BMPR1B: variants seen among roughly 807,000 people sequenced by gnomAD.
BMPR1B encodes the protein bone morphogenetic protein receptor type 1B.
A neutral mutation model predicts 59.1 loss-of-function variants in BMPR1B; 12 were observed. The ratio of observed to expected loss-of-function variants is 0.20; its 90% CI spans 0.13 to 0.33. BMPR1B has a LOEUF of 0.33. Ranked by LOEUF, BMPR1B falls within the 10% of genes least tolerant of loss-of-function variation. The probability of loss-of-function intolerance (pLI) is 1.00; values close to 1 mark genes in which losing one functional copy is unlikely to be tolerated. For missense variants in BMPR1B, 550 were observed against 610.9 expected (o/e 0.90, Z 1.05); for synonymous variants, 237 against 207.3 (o/e 1.14, Z -1.23).
chr4:94,922,536 C>T (rs1301340784), intron 2 of BMPR1B, among the ~76,000 whole-genome samples: 3 of 152,078 alleles, frequency 2.0e-5, no homozygotes, highest in African/African-American at 4.8e-5. Context: ...TATTTTTGTT[C>T]TTTCTAAGTT....
chr4:94,802,698 G>A (rs1347987263), intron 1 of BMPR1B, among the ~76,000 whole-genome samples: 3 of 152,160 alleles, frequency 2.0e-5, no homozygotes, highest in African/African-American at 7.2e-5. Flanking sequence ...ACAGAGAAAA[G>A]TGTATTATTT....
intron 3 of BMPR1B, among the ~76,000 whole-genome samples, chr4:95,047,268 A>AT (rs1195538272): frequency 6.6e-6 from 1 of 152,066 alleles, no homozygotes; most frequent in East Asian, 1.9e-4. Flanking sequence ...CCATAATGCC[A>AT]TTTTTTTCTG....
intron 2 of BMPR1B, among the ~76,000 whole-genome samples, chr4:94,930,991 CTGGACATCTCTT>C (rs1352982378): frequency 2.6e-5 from 4 of 152,006 alleles, no homozygotes; most frequent in African/African-American, 9.7e-5. Flanking sequence ...TATTAAGTTT[CTGGACATCTCTT>C]TGGCTGGCTA....
Position 95,158,047 on chromosome 4 carries a change from T to G in BMPR1B, c.*3374T>G, listed in dbSNP as rs1174440272. ...TTGTTGGTCTGATCTGATTCTTCTT[T>G]GTTTGTGGGTGGAACGGCACTGAGA... On this transcript the variant is annotated 3_prime_UTR_variant, in exon 13 of 13. Transcript: ENST00000515059. 6.6e-6 allele frequency: 1 copy of G among 152,198 alleles called. No individual in the cohort carries two copies. Among genetic ancestry groups the G allele is most frequent in the African/African-American group, 2.4e-5 (1 of 41,456 alleles). 9.4% of individuals were successfully genotyped at this position (152,198 alleles called of 1,614,324 possible).
chr4:94,992,744 C>T (rs1214167151), intron 2 of BMPR1B, among the ~76,000 whole-genome samples: 2 of 152,198 alleles, frequency 1.3e-5, no homozygotes, highest in Non-Finnish European at 2.9e-5. Context: ...TCTGCAATTA[C>T]AGCATCATAC....
chr4:94,845,338 A>C (rs1302552223), intron 1 of BMPR1B, among the ~76,000 whole-genome samples: 1 of 126,350 alleles, frequency 7.9e-6, no homozygotes, highest in Admixed American at 7.7e-5. Flanking sequence ...ATAACCAAGG[A>C]AATTCTTTTT....
At position 95,154,742 on chromosome 4, in the gene BMPR1B, A is replaced by C; in HGVS notation, c.*69A>C. 1.9e-6 allele frequency: 3 copies of C among 1,593,920 alleles called. No individual in the cohort carries two copies. The highest frequency in any genetic ancestry group is 2.6e-6 in the Non-Finnish European group (3 of 1,163,030). ...CTCTTCTGTTTGTGGGCAGAGCAAA[A>C]GACATCAAATAAGCATCCACAGTAC... On this transcript the variant is annotated 3_prime_UTR_variant, in exon 13 of 13. Transcript: ENST00000515059.
chr4:94,945,284 G>C (rs925344833), intron 2 of BMPR1B, among the ~76,000 whole-genome samples: 1 of 152,104 alleles, frequency 6.6e-6, no homozygotes, highest in African/African-American at 2.4e-5. Flanking sequence ...CATCCTTAAA[G>C]TAGAAAAACA....
chr4:95,125,051 C>T lies in BMPR1B; in HGVS notation c.515C>T (p.Pro172Leu), dbSNP rs1732806604. 6.2e-7 allele frequency: 1 copy of T among 1,613,774 alleles called. No individual in the cohort carries two copies. Among genetic ancestry groups the T allele is most frequent in the Non-Finnish European group, 8.5e-7 (1 of 1,179,750 alleles). ...GAACAGGATGAAACTTACATTCCTC[C>T]TGGAGAATCCCTGAGAGACTTAATT... ...GLEQDETYIP[P>L]GESLRDLIEQ... The change falls in exon 8 of 13, where the codon CCT (proline) becomes CTT (leucine). Residue 172 changes from proline (P) to leucine (L), a missense_variant. By Grantham distance (98) the Pro-to-Leu change is moderately conservative. Coordinates refer to ENST00000515059, the MANE Select transcript of BMPR1B (RefSeq NM_001203.3).
chr4:94,792,825 T>C (rs979369659), intron 1 of BMPR1B, among the ~76,000 whole-genome samples: 1 of 152,140 alleles, frequency 6.6e-6, no homozygotes, highest in African/African-American at 2.4e-5. Context: ...CTTTACATAG[T>C]GTTCACCAAA....
At chr4:94,872,520 G>T (rs989697301) in intron 1 of BMPR1B, among the ~76,000 whole-genome samples, 1 of 152,162 alleles carries the variant, frequency 6.6e-6, no homozygotes, top group Non-Finnish European at 1.5e-5. Flanking sequence ...TAGAAATTTT[G>T]TCTTCATATT....
At chr4:95,037,876 G>GT (rs1244988386) in intron 3 of BMPR1B, among the ~76,000 whole-genome samples, 3 of 151,988 alleles carry the variant, frequency 2.0e-5, no homozygotes, top group Non-Finnish European at 4.4e-5. Flanking sequence ...TTGGGGGAAC[G>GT]TAAGTGGACA....
chr4:94,888,350 A>C (rs1413119760), intron 2 of BMPR1B, among the ~76,000 whole-genome samples: 6 of 152,010 alleles, frequency 3.9e-5, no homozygotes, highest in Non-Finnish European at 2.9e-5. Context: ...TAGAGATGAG[A>C]TATGCCAATT....
chr4:94,881,313 A>G (rs1340531254), intron 2 of BMPR1B, among the ~76,000 whole-genome samples: 1 of 152,052 alleles, frequency 6.6e-6, no homozygotes, highest in Non-Finnish European at 1.5e-5. Context: ...ACACATGCGT[A>G]TTTAGAAGCA....
At chr4:94,933,124 G>A (rs997811842) in intron 2 of BMPR1B, among the ~76,000 whole-genome samples, 13 of 151,822 alleles carry the variant, frequency 8.6e-5, no homozygotes, top group East Asian at 1.9e-4. Context: ...TATAATATTC[G>A]TATGTATTAG....
intron 3 of BMPR1B, among the ~76,000 whole-genome samples, chr4:95,021,840 T>C (rs2149137908): frequency 6.6e-6 from 1 of 152,330 alleles, no homozygotes; most frequent in South Asian, 2.1e-4. Context: ...CGTTTGTTCT[T>C]TTGAACTGGT....
chr4:94,889,562 T>G (rs1727309355), intron 2 of BMPR1B, among the ~76,000 whole-genome samples: 1 of 152,118 alleles, frequency 6.6e-6, no homozygotes, highest in Non-Finnish European at 1.5e-5. Context: ...GTGCTTTGTT[T>G]TGATATGAGC....
intron 1 of BMPR1B, among the ~76,000 whole-genome samples, chr4:94,846,984 AAAAG>A (rs1725361361): frequency 6.6e-6 from 1 of 152,178 alleles, no homozygotes; most frequent in Admixed American, 6.5e-5. Flanking sequence ...TCTGTACTGT[AAAAG>A]AAAGTCAACA....
intron 3 of BMPR1B, among the ~76,000 whole-genome samples, chr4:95,084,072 C>T (rs555259449): frequency 2.6e-5 from 4 of 151,954 alleles, no homozygotes; most frequent in African/African-American, 9.6e-5. Context: ...AAGTCACTAA[C>T]GTAAACTCAA....
Sources: gnomAD v4.1 joint callset for allele counts (sites outside exome capture counted in the v4.1 genomes callset) on GRCh38, gnomAD v4.1.1 for gene constraint, MANE v1.5 for transcripts, NCBI Gene and HGNC (gene_info 2026-07-23, HGNC 2026-07-21) for gene names.